RASAL2: variants seen among roughly 807,000 people sequenced by gnomAD.
RASAL2 encodes RAS protein activator like 2, also known as ras GTPase-activating protein nGAP.
RASAL2 carries 58 observed loss-of-function variants against 128.9 expected under a neutral mutation model. That is an observed-to-expected ratio of 0.45 (90% CI 0.36 to 0.56). RASAL2 has a LOEUF of 0.56. RASAL2 is among the 20% of genes least tolerant of loss of function. The probability of loss-of-function intolerance (pLI) is 0.00; values close to 1 mark genes in which losing one functional copy is unlikely to be tolerated. For synonymous variants in RASAL2, 561 were observed against 580.8 expected (o/e 0.97, Z 0.49); for missense variants, 1,360 against 1,601.6 (o/e 0.85, Z 2.57).
intron 16 of RASAL2, 55 bp from the exon 17 acceptor site, chr1:178,467,279 C>T (rs1312040227): frequency 1.4e-6 from 2 of 1,422,416 alleles, no homozygotes; most frequent in South Asian, 1.2e-5. Flanking sequence ...CTGTTCTCTA[C>T]ACTAGCTAGC....
chr1:178,439,021 A>G (rs908586340), intron 5 of RASAL2, among the ~76,000 whole-genome samples: 2 of 151,986 alleles, frequency 1.3e-5, no homozygotes, highest in Non-Finnish European at 2.9e-5. Flanking sequence ...CATGAAAAAC[A>G]AAAAGAAATC....
At chr1:178,386,635 A>G (rs968180677) in intron 3 of RASAL2, among the ~76,000 whole-genome samples, 3 of 152,214 alleles carry the variant, frequency 2.0e-5, no homozygotes, top group Non-Finnish European at 4.4e-5. Flanking sequence ...GATGAAAAAT[A>G]TTATGTTTAG....
At chr1:178,416,214 A>G (rs989064575) in intron 4 of RASAL2, among the ~76,000 whole-genome samples, 6 of 152,076 alleles carry the variant, frequency 3.9e-5, no homozygotes, top group Admixed American at 6.6e-5. Flanking sequence ...TTCTTAGCAT[A>G]TCAGTTATAC....
intron 1 of RASAL2, among the ~76,000 whole-genome samples, chr1:178,256,523 G>A (rs187123461): frequency 2.4e-4 from 37 of 152,204 alleles, no homozygotes; most frequent in Non-Finnish European, 1.6e-4. Context: ...GAAATAAAAA[G>A]CAACCAGATT....
At chr1:178,184,143 G>A (rs1042886867) in intron 1 of RASAL2, among the ~76,000 whole-genome samples, 2 of 152,110 alleles carry the variant, frequency 1.3e-5, no homozygotes, top group African/African-American at 4.8e-5. Flanking sequence ...TTTTAAAATT[G>A]AGTTATCTGT....
chr1:178,106,898 T>A (rs1571480945), intron 1 of RASAL2, among the ~76,000 whole-genome samples: 1 of 152,330 alleles, frequency 6.6e-6, no homozygotes. Context: ...TGAGAGAGGC[T>A]TGACTTTGTA....
chr1:178,142,528 T>C (rs1228199512), intron 1 of RASAL2, among the ~76,000 whole-genome samples: 1 of 152,204 alleles, frequency 6.6e-6, no homozygotes, highest in Non-Finnish European at 1.5e-5. Flanking sequence ...TAAGTCCTGC[T>C]CTTTGGGGAG....
At chr1:178,289,032 A>G (rs886103827) in intron 2 of RASAL2, among the ~76,000 whole-genome samples, 1 of 152,098 alleles carries the variant, frequency 6.6e-6, no homozygotes, top group Admixed American at 6.6e-5. Context: ...TCTCTCCTTT[A>G]TAACACAAAT....
chr1:178,437,889 G>GT (rs1452874033), intron 5 of RASAL2, among the ~76,000 whole-genome samples: 2 of 151,256 alleles, frequency 1.3e-5, no homozygotes, highest in South Asian at 2.1e-4. Context: ...TTTCTTTTTT[G>GT]TTTTTTTAAT....
intron 4 of RASAL2, among the ~76,000 whole-genome samples, chr1:178,418,648 A>G (rs997045853): frequency 2.0e-5 from 3 of 152,232 alleles, no homozygotes; most frequent in African/African-American, 4.8e-5. Context: ...AAAAGGAGCA[A>G]TGCCTGCATG....
intron 1 of RASAL2, among the ~76,000 whole-genome samples, chr1:178,206,493 A>T (rs1008591262): frequency 6.6e-6 from 1 of 152,250 alleles, no homozygotes; most frequent in Non-Finnish European, 1.5e-5. Context: ...ATGAGGAAGA[A>T]GGTTAAGTGA....
intron 3 of RASAL2, among the ~76,000 whole-genome samples, chr1:178,348,672 G>T (rs936081877): frequency 1.3e-5 from 2 of 151,886 alleles, no homozygotes; most frequent in African/African-American, 4.8e-5. Context: ...AAGCGCTCCA[G>T]TTTGCAAACA....
At chr1:178,419,081 C>T (rs1674966285) in intron 4 of RASAL2, among the ~76,000 whole-genome samples, 1 of 152,036 alleles carries the variant, frequency 6.6e-6, no homozygotes. Context: ...AAACAGTGGG[C>T]TTTGGTAGTT....
chr1:178,118,726 C>T (rs1393857688), intron 1 of RASAL2, among the ~76,000 whole-genome samples: 5 of 152,192 alleles, frequency 3.3e-5, no homozygotes, highest in Admixed American at 2.0e-4. Context: ...GTTCACTCAT[C>T]GCCCTCATAG....
intron 14 of RASAL2, among the ~76,000 whole-genome samples, chr1:178,462,974 C>T (rs1429033194): frequency 7.1e-6 from 1 of 140,902 alleles, no homozygotes; most frequent in African/African-American, 3.2e-5. Context: ...CTCTCCCAAC[C>T]CATCTCTGAT....
At chr1:178,429,788 C>A (rs947941001) in intron 5 of RASAL2, among the ~76,000 whole-genome samples, 1 of 152,104 alleles carries the variant, frequency 6.6e-6, no homozygotes, top group Non-Finnish European at 1.5e-5. Flanking sequence ...TTTGATCTTA[C>A]TGTCTCCTCT....
chr1:178,472,569 T>C (rs570183657), intron 17 of RASAL2, among the ~76,000 whole-genome samples: 4 of 152,232 alleles, frequency 2.6e-5, no homozygotes, highest in Non-Finnish European at 4.4e-5. Flanking sequence ...TGCCACCATG[T>C]ATTGTTTTAA....
intron 4 of RASAL2, among the ~76,000 whole-genome samples, chr1:178,394,098 A>G (rs1435985602): frequency 6.6e-6 from 1 of 152,184 alleles, no homozygotes; most frequent in Non-Finnish European, 1.5e-5. Context: ...TTATGTTGGT[A>G]ACTGAAACTA....
intron 9 of RASAL2, among the ~76,000 whole-genome samples, chr1:178,446,439 A>C (rs1572090069): frequency 6.6e-6 from 1 of 152,230 alleles, no homozygotes; most frequent in African/African-American, 2.4e-5. Flanking sequence ...ATTAAAAAGG[A>C]TGAAGAGAAA....
Sources: allele counts gnomAD v4.1 joint callset (sites outside exome capture counted in the v4.1 genomes callset), GRCh38; gene constraint gnomAD v4.1.1; transcripts MANE v1.5; gene names NCBI Gene and HGNC (gene_info 2026-07-23, HGNC 2026-07-21).